Variants in GDA observed in about 807,000 individuals in gnomAD.
GDA encodes guanine deaminase.
GDA carries 18 observed loss-of-function variants against 59.6 expected under a neutral mutation model. The ratio of observed to expected loss-of-function variants is 0.30; its 90% CI spans 0.21 to 0.45. GDA has a LOEUF of 0.45. GDA is among the 20% of genes least tolerant of loss of function. The pLI, the probability that GDA is intolerant of heterozygous loss-of-function variation, is 1.00. For synonymous variants in GDA, 201 were observed against 201.1 expected (o/e 1.00, Z 0.00); for missense variants, 427 against 552.3 (o/e 0.77, Z 2.27).
intron 3 of GDA, among the ~76,000 whole-genome samples, chr9:72,206,784 T>A (rs1834770398): frequency 6.6e-6 from 1 of 151,684 alleles, no homozygotes; most frequent in Non-Finnish European, 1.5e-5. Context: ...TAATAATAAT[T>A]ATTATAATTA....
chr9:72,123,350 A>AT (rs1476905899), intron 1 of GDA, among the ~76,000 whole-genome samples: 2 of 151,116 alleles, frequency 1.3e-5, no homozygotes, highest in African/African-American at 4.9e-5. Context: ...CACCTGGCTA[A>AT]TTTTTTGTAT....
chr9:72,152,822 T>G (rs9775806), intron 1 of GDA, among the ~76,000 whole-genome samples: 4,788 of 152,244 alleles, frequency 0.031, 258 homozygotes, highest in African/African-American at 0.11. Flanking sequence ...ATTTTGGCTT[T>G]TGTTGCCATG....
At chr9:72,217,070 A>G (rs1004178000) in intron 5 of GDA, among the ~76,000 whole-genome samples, 5 of 152,212 alleles carry the variant, frequency 3.3e-5, no homozygotes, top group African/African-American at 1.2e-4. Context: ...AAAACGCAAT[A>G]AATCTACTAA....
At chr9:72,205,948 A>C (rs1045480899) in intron 3 of GDA, among the ~76,000 whole-genome samples, 3 of 152,188 alleles carry the variant, frequency 2.0e-5, no homozygotes, top group Admixed American at 1.3e-4. Context: ...AGTGCTTCTA[A>C]ATAACCCCAG....
chr9:72,149,734 A>G, intron 1 of GDA, 52 bp downstream of exon 1: 2 of 1,527,818 alleles, frequency 1.3e-6, no homozygotes, highest in East Asian at 2.5e-5. Flanking sequence ...GATAGGTGCA[A>G]GGAACCTGGC....
chr9:72,197,764 G>C (rs943783547), intron 2 of GDA, among the ~76,000 whole-genome samples: 1 of 152,200 alleles, frequency 6.6e-6, no homozygotes, highest in Non-Finnish European at 1.5e-5. Context: ...AAGCACACAA[G>C]TTATGTGCGG....
At chr9:72,229,749 T>C (rs1007293777) in intron 9 of GDA, among the ~76,000 whole-genome samples, 2 of 152,176 alleles carry the variant, frequency 1.3e-5, no homozygotes, top group Non-Finnish European at 2.9e-5. Context: ...CTAGGGACTT[T>C]GCAAATTACA....
Position 72,248,355 on chromosome 9 carries a change from T to G in GDA, c.*13T>G. ...CAGCTCAGTGTAAGACCCTCGGGCG[T>G]CTACAAAGTTCTCCTGGGATTAGCG... On this transcript the variant is annotated 3_prime_UTR_variant, in exon 14 of 14. Transcript: ENST00000358399. The G allele has an allele frequency of 6.2e-7, 1 of 1,613,510 alleles. No homozygotes were observed.
chr9:72,215,362 A>G (rs902118650), intron 5 of GDA, among the ~76,000 whole-genome samples: 2 of 152,124 alleles, frequency 1.3e-5, no homozygotes, highest in African/African-American at 4.8e-5. Flanking sequence ...AAACCACCAA[A>G]AGTTACCATA....
At chr9:72,169,087 C>G (rs1563922406) in intron 1 of GDA, among the ~76,000 whole-genome samples, 2 of 152,216 alleles carry the variant, frequency 1.3e-5, no homozygotes, top group Admixed American at 1.3e-4. Context: ...TGTTAGCAAA[C>G]TTTCTAAACC....
chr9:72,220,178 A>C (rs1351643427), intron 6 of GDA, among the ~76,000 whole-genome samples: 1 of 152,228 alleles, frequency 6.6e-6, no homozygotes, highest in East Asian at 1.9e-4. Flanking sequence ...GAAATAAGCC[A>C]GCCCCAGAAA....
At chr9:72,146,584 G>A (rs1015609611), upstream of GDA, among the ~76,000 whole-genome samples, 3 of 151,980 alleles carry the variant, frequency 2.0e-5, no homozygotes, top group Admixed American at 6.6e-5. Context: ...TCTGCCTCCC[G>A]GGTTCAAGCG....
chr9:72,177,215 C>A (rs144979809), intron 1 of GDA, among the ~76,000 whole-genome samples: 144 of 149,280 alleles, frequency 9.6e-4, no homozygotes, highest in Middle Eastern at 3.5e-3. Flanking sequence ...TCTTCTGCCT[C>A]AGCCTCCCAA....
Position 72,250,037 on chromosome 9 carries a change from G to A in GDA, c.*1695G>A. The A allele has an allele frequency of 1.0e-6, 1 of 969,940 alleles. No individual in the cohort carries two copies. Among genetic ancestry groups the A allele is most frequent in the Non-Finnish European group, 1.2e-6 (1 of 816,012 alleles). The allele number at this position is 969,940 out of a possible 1,614,324, so 60.1% of individuals were successfully genotyped here. A position where few individuals can be genotyped will look rare whatever the true frequency, so the allele number is the denominator to read the frequency against. On this transcript the variant is annotated 3_prime_UTR_variant, in exon 14 of 14. Coordinates refer to ENST00000358399, the MANE Select transcript of GDA (RefSeq NM_004293.5). The stretch of plus-strand genomic sequence containing the variant: ...TTTGTTTTGTGAGATAAGTATCTTA[G>A]TAAACCCAATTTCCAGTCTTAGTCT...
chr9:72,219,951 C>T (rs554060591), intron 6 of GDA, among the ~76,000 whole-genome samples: 26 of 152,282 alleles, frequency 1.7e-4, no homozygotes, highest in African/African-American at 5.8e-4. Context: ...GCAAAATAAG[C>T]ATCTTGAAAA....
chr9:72,243,901 C>G (rs1038546105), intron 11 of GDA, among the ~76,000 whole-genome samples: 1 of 152,112 alleles, frequency 6.6e-6, no homozygotes, highest in African/African-American at 2.4e-5. Flanking sequence ...TAAGGCTGAG[C>G]ACAGTGGCTC....
intron 4 of GDA, among the ~76,000 whole-genome samples, chr9:72,213,240 GC>G (rs1835614932): frequency 6.6e-6 from 1 of 152,032 alleles, no homozygotes; most frequent in South Asian, 2.1e-4. Flanking sequence ...TGCACTCCAG[GC>G]TGGTGACAGA....
At chr9:72,253,481 C>T (rs1400914461), downstream of GDA, 3 of 152,162 alleles carry the variant, frequency 2.0e-5, no homozygotes, top group Non-Finnish European at 4.4e-5. Context: ...CTATCCTGAG[C>T]TTTGACAGAC....
chr9:72,259,700 C>T (rs1840919327), downstream of GDA, among the ~76,000 whole-genome samples: 1 of 151,654 alleles, frequency 6.6e-6, no homozygotes, highest in African/African-American at 2.4e-5. Flanking sequence ...AGCAAAGAGC[C>T]AACATACTTG....
Sources: allele counts gnomAD v4.1 joint callset (sites outside exome capture counted in the v4.1 genomes callset), GRCh38; gene constraint gnomAD v4.1.1; transcripts MANE v1.5; gene names NCBI Gene and HGNC (gene_info 2026-07-23, HGNC 2026-07-21).